ABCA1: variants seen among roughly 807,000 people sequenced by gnomAD.
ABCA1 encodes the protein phospholipid-transporting ATPase ABCA1.
ABCA1 carries 133 observed loss-of-function variants against 262.5 expected under a neutral mutation model. The ratio of observed to expected loss-of-function variants is 0.51; its 90% CI spans 0.44 to 0.59. The LOEUF (loss-of-function observed/expected upper bound fraction) is 0.59, where lower values mean the gene tolerates loss of function less well. Ranked by LOEUF, ABCA1 falls within the 20% of genes least tolerant of loss-of-function variation. The pLI is 0.00. For synonymous variants in ABCA1, 1,022 were observed against 1,043.5 expected, an observed-to-expected ratio of 0.98 and a Z score of 0.40; for missense variants, 2,452 against 2,777.5, an observed-to-expected ratio of 0.88 and a Z score of 2.63.
intron 14 of ABCA1, among the ~76,000 whole-genome samples, chr9:104,829,771 T>C (rs996747104): frequency 1.3e-5 from 2 of 152,162 alleles, no homozygotes; most frequent in Non-Finnish European, 2.9e-5. Flanking sequence ...CTTAGGGGTC[T>C]TTGTAAAAGT....
chr9:104,924,704 T>G (rs1306593870), intron 1 of ABCA1, among the ~76,000 whole-genome samples: 1 of 152,156 alleles, frequency 6.6e-6, no homozygotes, highest in Non-Finnish European at 1.5e-5. Flanking sequence ...CATCTAGATA[T>G]CTTCATAATT....
At position 104,893,421 on chromosome 9, in the gene ABCA1, C is replaced by CAAAAAAAAAAAAAAAAAA. The variant is rs34544647; in HGVS notation, c.67-4244_67-4227dup. On this transcript the variant is annotated intron_variant, in intron 2 of 49. Coordinates refer to ENST00000374736, the MANE Select transcript of ABCA1 (RefSeq NM_005502.4). ...TGGGCAACAGAGTGAGACTTCACCTCAAAAAAAAAAAAAAAAAAAAAAAAA... is the reference window on the plus strand; with the variant it reads ...TGGGCAACAGAGTGAGACTTCACCTCAAAAAAAAAAAAAAAAAAAAAAAAAAAAAAAAAAAAAAAAAAA... 9.6e-4 allele frequency among the ~76,000 whole-genome samples: 34 copies of CAAAAAAAAAAAAAAAAAA among 35,260 alleles called. 1 individual carries two copies. Among genetic ancestry groups the CAAAAAAAAAAAAAAAAAA allele is most frequent in the East Asian group, 4.0e-3 (3 of 750 alleles). 23.1% of individuals were successfully genotyped at this position (35,260 alleles called of 152,430 possible).
At chr9:104,869,070 A>C (rs1440842709) in intron 5 of ABCA1, among the ~76,000 whole-genome samples, 2 of 151,992 alleles carry the variant, frequency 1.3e-5, no homozygotes, top group Non-Finnish European at 2.9e-5. Context: ...GCAGCTCAGG[A>C]AGGCGGAGGA....
intron 1 of ABCA1, among the ~76,000 whole-genome samples, chr9:104,908,477 G>A (rs1239190787): frequency 6.6e-6 from 1 of 152,158 alleles, no homozygotes; most frequent in Non-Finnish European, 1.5e-5. Context: ...GATCAGCCTG[G>A]CCAACATGGT....
At chr9:104,809,369 G>A (rs562625212) in intron 30 of ABCA1, 97 bp downstream of exon 30, 22 of 1,148,164 alleles carry the variant, frequency 1.9e-5, no homozygotes, top group East Asian at 7.3e-5. Context: ...AAATGCTGGC[G>A]GTCACAATGT....
intron 5 of ABCA1, among the ~76,000 whole-genome samples, chr9:104,875,215 C>T (rs1371531550): frequency 3.3e-5 from 5 of 151,622 alleles, no homozygotes; most frequent in East Asian, 1.9e-4. Context: ...TTGTGGCATG[C>T]GCCTGTAATC....
At chr9:104,908,135 T>C (rs1209388240) in intron 1 of ABCA1, among the ~76,000 whole-genome samples, 1 of 152,122 alleles carries the variant, frequency 6.6e-6, no homozygotes. Flanking sequence ...ACCCACTAAA[T>C]TAAATATTAA....
rs1831908178 is a variant in ABCA1, at chr9:104,817,770, T to C, written c.3463-366A>G. Among the ~76,000 whole-genome samples, 1 of 152,226 alleles carries C rather than the reference T, an allele frequency of 6.6e-6. No homozygotes were observed. Among genetic ancestry groups the C allele is most frequent in the Non-Finnish European group, 1.5e-5 (1 of 68,050 alleles). ...TGTGTGTTCAACCACTCAAGAACCT[T>C]GTTAAAATGCACAGATTCTGATTCG... On this transcript the variant is annotated intron_variant, in intron 23 of 49. Coordinates refer to ENST00000374736, the MANE Select transcript of ABCA1 (RefSeq NM_005502.4). This position sits in a 1 kb window ranked among gnomAD's most constrained non-coding sequence, Gnocchi z 4.7.
intron 1 of ABCA1, among the ~76,000 whole-genome samples, chr9:104,924,613 A>C (rs1374036113): frequency 7.0e-6 from 1 of 143,344 alleles, no homozygotes; most frequent in Non-Finnish European, 1.6e-5. Context: ...CCATCTCAGA[A>C]AAAAAAAAAA....
chr9:104,888,073 G>GTGTGTGTGTA (rs1564252405), intron 3 of ABCA1, among the ~76,000 whole-genome samples: 1,730 of 151,738 alleles, frequency 0.011, 45 homozygotes, highest in African/African-American at 0.04. Flanking sequence ...GTGTGTGTGT[G>GTGTGTGTGTA]TGTGTGTGTG....
At chr9:104,840,651 T>C (rs1834286467) in intron 8 of ABCA1, 132 bp from the exon 9 acceptor site, 1 of 970,708 alleles carries the variant, frequency 1.0e-6, no homozygotes, top group South Asian at 1.7e-5. Context: ...AGAACATATT[T>C]TGTCTGATGT....
In ABCA1 at chr9:104,817,491, G is replaced by T; in HGVS notation, c.3463-87C>A. ...CTTCGCCGGGGAGGGCTTCCAAGAAGCTCTGTTGTGTGAGAACTAAAGGAA... is the reference window on the plus strand; with the variant it reads ...CTTCGCCGGGGAGGGCTTCCAAGAATCTCTGTTGTGTGAGAACTAAAGGAA... On this transcript the variant is annotated intron_variant, in intron 23 of 49. Transcript: ENST00000374736. This position sits in a 1 kb window ranked among gnomAD's most constrained non-coding sequence, Gnocchi z 4.7. The T allele has an allele frequency of 7.1e-7, 1 of 1,416,690 alleles. No individual in the cohort carries two copies. The highest frequency in any genetic ancestry group is 9.9e-7 in the Non-Finnish European group (1 of 1,008,216). 87.8% of individuals were successfully genotyped at this position (1,416,690 alleles called of 1,614,324 possible). A position where few individuals can be genotyped will look rare whatever the true frequency, so the allele number is the denominator to read the frequency against.
At chr9:104,854,934 A>G (rs1351155559) in intron 7 of ABCA1, among the ~76,000 whole-genome samples, 2 of 152,230 alleles carry the variant, frequency 1.3e-5, no homozygotes, top group Admixed American at 6.5e-5. Context: ...ATATTGCTCA[A>G]TGCATGAGTA....
intron 46 of ABCA1, 35 bp from the exon 47 acceptor site, chr9:104,787,011 G>A: frequency 6.4e-7 from 1 of 1,560,010 alleles, no homozygotes; most frequent in Non-Finnish European, 8.7e-7. Context: ...TATTTGCTGG[G>A]GGGAAAAAAA....
rs149801342 is a variant in ABCA1, at chr9:104,902,780, A to G, written c.66+834T>C. On this transcript the variant is annotated intron_variant, in intron 2 of 49. Coordinates refer to ENST00000374736, the MANE Select transcript of ABCA1 (RefSeq NM_005502.4). ...TCCAAAGTCCCTTATAGCCCTTTGA[A>G]TCTCAGAAAGATGATCATTTTGATT... 5.3e-5 allele frequency among the ~76,000 whole-genome samples: 8 copies of G among 152,322 alleles called. No homozygotes were observed. The East Asian group carries it at 1.4e-3, about 26-fold the overall frequency.
intron 7 of ABCA1, among the ~76,000 whole-genome samples, chr9:104,848,099 TA>T (rs1835054062): frequency 6.6e-6 from 1 of 152,222 alleles, no homozygotes; most frequent in African/African-American, 2.4e-5. Flanking sequence ...ACCTTCTCTT[TA>T]AAGCAGGTGA....
intron 11 of ABCA1, 41 bp downstream of exon 11, chr9:104,836,939 G>T: frequency 1.3e-6 from 2 of 1,495,420 alleles, no homozygotes; most frequent in South Asian, 1.1e-5. Context: ...CACCTCTCCA[G>T]TATCAAGCAG....
intron 1 of ABCA1, among the ~76,000 whole-genome samples, chr9:104,913,961 G>GGACAC (rs1224592698): frequency 1.3e-5 from 1 of 74,390 alleles, no homozygotes; most frequent in Non-Finnish European, 3.2e-5. Context: ...CAACACGCCC[G>GGACAC]GCTAATTTTT....
chr9:104,893,110 G>A (rs962443513), intron 2 of ABCA1, among the ~76,000 whole-genome samples: 4 of 152,106 alleles, frequency 2.6e-5, no homozygotes, highest in South Asian at 2.1e-4. Flanking sequence ...TAAATGGCAT[G>A]ACTGTAAATA....
Sources: gnomAD v4.1 joint callset for allele counts (sites outside exome capture counted in the v4.1 genomes callset) on GRCh38, gnomAD v4.1.1 for gene constraint, Gnocchi (gnomAD v3.1) non-coding constraint, MANE v1.5 for transcripts, NCBI Gene and HGNC (gene_info 2026-07-23, HGNC 2026-07-21) for gene names.